SOX6: variants seen among roughly 807,000 people sequenced by gnomAD.
The protein encoded by SOX6 is transcription factor SOX-6.
In SOX6, 11 loss-of-function variants were observed where a neutral mutation model predicts 97.8. That is an observed-to-expected ratio of 0.11 (90% CI 0.07 to 0.19). The LOEUF (loss-of-function observed/expected upper bound fraction) is 0.19. SOX6 is among the 10% of genes least tolerant of loss of function. SOX6 has a pLI of 1.00. For missense variants in SOX6, 810 were observed against 1,039.5 expected, an observed-to-expected ratio of 0.78 and a Z score of 3.04; for synonymous variants, 360 against 371.4, an observed-to-expected ratio of 0.97 and a Z score of 0.35.
intron 1 of SOX6, among the ~76,000 whole-genome samples, chr11:16,361,905 T>G (rs1857219131): frequency 6.6e-6 from 1 of 152,250 alleles, no homozygotes; most frequent in Non-Finnish European, 1.5e-5. Context: ...ACGTAAGTGC[T>G]ATATGCTTGT....
intron 4 of SOX6, among the ~76,000 whole-genome samples, chr11:16,501,058 T>C (rs1416272264): frequency 1.3e-5 from 2 of 152,162 alleles, no homozygotes; most frequent in Non-Finnish European, 2.9e-5. Context: ...GACTTCAAAC[T>C]ATACCACAAG....
chr11:16,137,640 G>T (rs1212001292), intron 6 of SOX6, among the ~76,000 whole-genome samples: 1 of 152,096 alleles, frequency 6.6e-6, no homozygotes, highest in African/African-American at 2.4e-5. Flanking sequence ...AGGAATCAAG[G>T]TGAAAACTAT....
intron 2 of SOX6, among the ~76,000 whole-genome samples, chr11:16,339,571 G>A (rs141811970): frequency 0.013 from 1,985 of 151,928 alleles, 43 homozygotes; most frequent in African/African-American, 0.045. Context: ...ATAGCATTCT[G>A]TTCTTTCTCC....
intron 15 of SOX6, among the ~76,000 whole-genome samples, chr11:15,984,748 C>A (rs973008575): frequency 2.0e-5 from 3 of 152,126 alleles, no homozygotes; most frequent in Non-Finnish European, 4.4e-5. Flanking sequence ...TTCTCTCTAC[C>A]TCTAAAAGGT....
At chr11:16,539,270 A>G (rs186450718) in intron 4 of SOX6, among the ~76,000 whole-genome samples, 1 of 152,324 alleles carries the variant, frequency 6.6e-6, no homozygotes, top group East Asian at 1.9e-4. Flanking sequence ...TTTGAAACCA[A>G]TGAGAACAAA....
chr11:16,038,023 T>A (rs897229408), intron 12 of SOX6, among the ~76,000 whole-genome samples: 6 of 152,136 alleles, frequency 3.9e-5, no homozygotes, highest in East Asian at 3.9e-4. Flanking sequence ...AATATTAAAA[T>A]TTTTTTTAAA....
intron 3 of SOX6, among the ~76,000 whole-genome samples, chr11:16,673,699 C>A (rs1194509235): frequency 6.6e-6 from 1 of 152,054 alleles, no homozygotes; most frequent in Non-Finnish European, 1.5e-5. Flanking sequence ...CCTACTCAAA[C>A]TATTCTAAAA....
chr11:16,129,440 T>A (rs1277251208), intron 6 of SOX6, among the ~76,000 whole-genome samples: 1 of 152,154 alleles, frequency 6.6e-6, no homozygotes, highest in East Asian at 1.9e-4. Context: ...TAGTAACTTC[T>A]CCACTCATAT....
At chr11:16,167,203 T>C (rs924896476) in intron 6 of SOX6, among the ~76,000 whole-genome samples, 3 of 152,162 alleles carry the variant, frequency 2.0e-5, no homozygotes, top group Non-Finnish European at 2.9e-5. Context: ...GCTTTTCCAG[T>C]GAATGGCAGA....
rs1847610818 is a variant in SOX6 at position 16,545,552 on chromosome 11, G to C, written n.609+66529C>G. Among the ~76,000 whole-genome samples the C allele has an allele frequency of 2.6e-5, 4 of 152,308 alleles. No homozygotes were observed. In the South Asian group the frequency reaches 8.3e-4, roughly 32 times the overall value. On this transcript the variant is annotated intron_variant and non_coding_transcript_variant, in intron 4 of 5. Transcript: ENST00000524520. ...GCCTTTCCTCTAATAACTGGAATAA[G>C]ACAAGGATGCCCACTTTCACCACTC...
intron 3 of SOX6, among the ~76,000 whole-genome samples, chr11:16,683,413 G>C (rs947787769): frequency 3.3e-5 from 5 of 152,014 alleles, no homozygotes; most frequent in African/African-American, 4.8e-5. Context: ...CAGAACAGAG[G>C]CCTCAGAAAT....
chr11:16,140,411 A>AT (rs1202444024), intron 6 of SOX6, among the ~76,000 whole-genome samples: 1 of 152,180 alleles, frequency 6.6e-6, no homozygotes, highest in East Asian at 1.9e-4. Context: ...AGGCAGCATT[A>AT]TATTGTATAG....
chr11:16,020,823 C>T (rs1855036353), intron 12 of SOX6, among the ~76,000 whole-genome samples: 1 of 152,128 alleles, frequency 6.6e-6, no homozygotes, highest in African/African-American at 2.4e-5. Flanking sequence ...AAAGATTTTT[C>T]AAGCCAGAGA....
intron 9 of SOX6, among the ~76,000 whole-genome samples, chr11:16,065,173 A>G (rs1427006134): frequency 2.0e-5 from 3 of 152,136 alleles, no homozygotes; most frequent in Non-Finnish European, 4.4e-5. Context: ...GCAAAGTTGC[A>G]GGATATAAAA....
At chr11:16,497,234 C>T (rs1053029388) in intron 4 of SOX6, among the ~76,000 whole-genome samples, 2 of 152,170 alleles carry the variant, frequency 1.3e-5, no homozygotes, top group Non-Finnish European at 2.9e-5. Flanking sequence ...CAGCAAACTC[C>T]AACAGACCTG....
intron 3 of SOX6, among the ~76,000 whole-genome samples, chr11:16,711,417 G>A (rs905159941): frequency 2.8e-5 from 3 of 107,822 alleles, no homozygotes; most frequent in African/African-American, 8.0e-5. Context: ...CCAGCTACTG[G>A]GGGGTGGAGA....
chr11:16,320,407 T>A (rs1278154111), intron 2 of SOX6, among the ~76,000 whole-genome samples: 1 of 152,122 alleles, frequency 6.6e-6, no homozygotes, highest in Non-Finnish European at 1.5e-5. Context: ...ATATATTAAA[T>A]GACATAATAA....
intron 11 of SOX6, among the ~76,000 whole-genome samples, chr11:16,049,395 T>C (rs1253455546): frequency 6.6e-6 from 1 of 152,170 alleles, no homozygotes; most frequent in African/African-American, 2.4e-5. Flanking sequence ...TGATAGAAGA[T>C]AAAAATTTCA....
intron 6 of SOX6, among the ~76,000 whole-genome samples, chr11:16,172,504 C>T (rs1418998672): frequency 6.6e-6 from 1 of 152,016 alleles, no homozygotes; most frequent in Non-Finnish European, 1.5e-5. Flanking sequence ...CAATACTTCA[C>T]AAAGGAAACC....
Sources: allele counts gnomAD v4.1 joint callset (sites outside exome capture counted in the v4.1 genomes callset), GRCh38; gene constraint gnomAD v4.1.1; transcripts MANE v1.5; gene names NCBI Gene and HGNC (gene_info 2026-07-23, HGNC 2026-07-21).